MARCHF8: variants seen among roughly 807,000 people sequenced by gnomAD.
MARCHF8 encodes E3 ubiquitin-protein ligase MARCHF8.
In MARCHF8, 40 loss-of-function variants were observed where a neutral mutation model predicts 51.6. The observed-to-expected ratio is 0.77, with a 90% CI of 0.60 to 1.01. The LOEUF is 1.01. Ranked by LOEUF, MARCHF8 falls within the 50% of genes least tolerant of loss-of-function variation. The pLI is 0.00. For synonymous variants in MARCHF8, 263 were observed against 280.3 expected (o/e 0.94, Z 0.62); for missense variants, 685 against 708.6 (o/e 0.97, Z 0.38).
intron 2 of MARCHF8, among the ~76,000 whole-genome samples, chr10:45,498,516 C>T (rs2043217659): frequency 6.6e-6 from 1 of 151,832 alleles, no homozygotes; most frequent in African/African-American, 2.4e-5. Flanking sequence ...CGCTCTGTCA[C>T]CCAGGCTGGA....
At chr10:45,549,112 A>G (rs191048381) in intron 1 of MARCHF8, among the ~76,000 whole-genome samples, 4 of 151,978 alleles carry the variant, frequency 2.6e-5, no homozygotes, top group Admixed American at 2.6e-4. Flanking sequence ...CGAAAGGGGG[A>G]TGAAGGAGAG....
At position 45,461,333 on chromosome 10, in the gene MARCHF8, G is replaced by A. The variant is rs1842777572; in HGVS notation, c.1167C>T (p.His389=). The change falls in exon 6 of 8, where the codon CAC becomes CAT. Residue 389 remains histidine (H), a synonymous_variant. Transcript: ENST00000453424. ...CHCTGSLHFV[H]QACLQQWIKS... ...TGATCCACTGCTGCAGGCAGGCCTG[G>A]TGCACGAAGTGGAGGCTTCCTGTGC... is the stretch of plus-strand genomic sequence containing the variant. 3 of 1,607,920 alleles carry A rather than the reference G, an allele frequency of 1.9e-6. No individual in the cohort carries two copies. Among genetic ancestry groups the A allele is most frequent in the Non-Finnish European group, 1.7e-6 (2 of 1,177,648 alleles).
intron 3 of MARCHF8, among the ~76,000 whole-genome samples, chr10:45,486,538 T>C (rs1162045416): frequency 6.6e-6 from 1 of 152,106 alleles, no homozygotes; most frequent in Non-Finnish European, 1.5e-5. Context: ...CACTCCAGCC[T>C]GGGCTACGGA....
chr10:45,491,416 T>C (rs1037323436), intron 2 of MARCHF8, among the ~76,000 whole-genome samples: 1 of 152,110 alleles, frequency 6.6e-6, no homozygotes, highest in Non-Finnish European at 1.5e-5. Flanking sequence ...CACGTGCCTA[T>C]AATCCCAACT....
At chr10:45,484,392 G>T (rs1316905236) in intron 3 of MARCHF8, among the ~76,000 whole-genome samples, 3 of 152,172 alleles carry the variant, frequency 2.0e-5, no homozygotes, top group Non-Finnish European at 4.4e-5. Context: ...GTGAGGTGAA[G>T]GTCTGGGCAA....
chr10:45,573,527 A>T (rs1037584752), intron 1 of MARCHF8, among the ~76,000 whole-genome samples: 9 of 152,172 alleles, frequency 5.9e-5, no homozygotes, highest in African/African-American at 2.2e-4. Context: ...GAATGCCTGA[A>T]GCCCGGGATT....
intron 3 of MARCHF8, among the ~76,000 whole-genome samples, chr10:45,477,671 A>C (rs1258154719): frequency 6.6e-6 from 1 of 152,230 alleles, no homozygotes; most frequent in Non-Finnish European, 1.5e-5. Flanking sequence ...TGTGTACAAG[A>C]AGCTCATCGC....
At chr10:45,576,113 C>T (rs1228616555) in intron 1 of MARCHF8, among the ~76,000 whole-genome samples, 2 of 152,212 alleles carry the variant, frequency 1.3e-5, no homozygotes, top group Non-Finnish European at 2.9e-5. Flanking sequence ...TTCAAGGCTT[C>T]TTACAGAGCT....
intron 1 of MARCHF8, among the ~76,000 whole-genome samples, chr10:45,588,148 T>C (rs1307514843): frequency 2.0e-5 from 3 of 151,808 alleles, no homozygotes; most frequent in African/African-American, 7.3e-5. Flanking sequence ...AATATATTTT[T>C]TCATTTTGTC....
At chr10:45,551,599 A>G (rs1232530504) in intron 1 of MARCHF8, among the ~76,000 whole-genome samples, 1 of 152,096 alleles carries the variant, frequency 6.6e-6, no homozygotes, top group Non-Finnish European at 1.5e-5. Context: ...GCCTCAACCA[A>G]TCAGTTGAAG....
chr10:45,560,235 G>A (rs1372868891), intron 1 of MARCHF8, among the ~76,000 whole-genome samples: 3 of 152,214 alleles, frequency 2.0e-5, no homozygotes, highest in African/African-American at 7.2e-5. Context: ...AGATCCATCA[G>A]GGTGGTAGGA....
At chr10:45,469,446 C>T (rs1228786042) in intron 3 of MARCHF8, among the ~76,000 whole-genome samples, 1 of 152,112 alleles carries the variant, frequency 6.6e-6, no homozygotes, top group Non-Finnish European at 1.5e-5. Flanking sequence ...TGGGTGATGA[C>T]CTATGTTTTT....
chr10:45,484,658 G>C (rs35356752), intron 3 of MARCHF8, among the ~76,000 whole-genome samples: 1 of 152,070 alleles, frequency 6.6e-6, no homozygotes, highest in East Asian at 1.9e-4. Context: ...CTAAGGGGAG[G>C]GTGTCAAGGG....
At chr10:45,574,609 T>G (rs992569216) in intron 1 of MARCHF8, among the ~76,000 whole-genome samples, 4 of 152,160 alleles carry the variant, frequency 2.6e-5, no homozygotes, top group African/African-American at 9.7e-5. Context: ...GTCAAGCCAG[T>G]GTTCTTACAC....
intron 2 of MARCHF8, among the ~76,000 whole-genome samples, chr10:45,510,531 GAAGTC>G (rs2043478812): frequency 1.3e-5 from 2 of 152,172 alleles, no homozygotes; most frequent in African/African-American, 2.4e-5. Context: ...TTACATCACA[GAAGTC>G]AAGACAGGAA....
intron 1 of MARCHF8, among the ~76,000 whole-genome samples, chr10:45,571,507 G>T (rs573929723): frequency 6.6e-6 from 1 of 152,252 alleles, no homozygotes; most frequent in African/African-American, 2.4e-5. Context: ...GCACCCAGGT[G>T]ATTAAAAAGC....
At position 45,455,287 on chromosome 10, in the gene MARCHF8, T is replaced by C. The variant is rs1487515915; in HGVS notation, c.*2952A>G. On this transcript the variant is annotated 3_prime_UTR_variant, in exon 8 of 8. Coordinates refer to ENST00000453424, the MANE Select transcript of MARCHF8 (RefSeq NM_001282866.2). ...GCCTACAGTAGGAAGAGACCTTTTA[T>C]AGAGTTTTCAGGAAATTCTCACAAT... 6.6e-6 allele frequency: 1 copy of C among 152,238 alleles called. No individual in the cohort carries two copies. Among genetic ancestry groups the C allele is most frequent in the Admixed American group, 6.5e-5 (1 of 15,286 alleles). The allele number at this position is 152,238 out of a possible 1,614,324, so 9.4% of individuals were successfully genotyped here. A position where few individuals can be genotyped will look rare whatever the true frequency, so the allele number is the denominator to read the frequency against.
intron 1 of MARCHF8, among the ~76,000 whole-genome samples, chr10:45,558,815 C>A (rs540055487): frequency 4.6e-5 from 7 of 152,222 alleles, no homozygotes; most frequent in Admixed American, 3.9e-4. Flanking sequence ...TTCACCTCTT[C>A]AATATTAACT....
chr10:45,588,551 GTAT>G (rs2044642971), intron 1 of MARCHF8, among the ~76,000 whole-genome samples: 1 of 152,222 alleles, frequency 6.6e-6, no homozygotes, highest in East Asian at 1.9e-4. Flanking sequence ...ATAAAGACTT[GTAT>G]TATACAGAGA....
Sources: allele counts gnomAD v4.1 joint callset (sites outside exome capture counted in the v4.1 genomes callset), GRCh38; gene constraint gnomAD v4.1.1; transcripts MANE v1.5; gene names NCBI Gene and HGNC (gene_info 2026-07-23, HGNC 2026-07-21).